The following NLGN4X variants were observed in gnomAD, a reference collection of about 807,000 sequenced individuals.
NLGN4X encodes the protein neuroligin-4, X-linked.
Under a neutral mutation model 40.3 loss-of-function variants are expected in NLGN4X, and 3 were observed. The ratio of observed to expected loss-of-function variants is 0.07; its 90% CI spans 0.03 to 0.19. NLGN4X has a LOEUF of 0.19. Ranked by LOEUF, NLGN4X falls within the 10% of genes least tolerant of loss-of-function variation. NLGN4X has a pLI of 1.00. For synonymous variants in NLGN4X, 270 were observed against 306.8 expected, an observed-to-expected ratio of 0.88 and a Z score of 1.25; for missense variants, 382 against 708.3, an observed-to-expected ratio of 0.54 and a Z score of 5.23.
At position 6,051,847 on chromosome X, in the gene NLGN4X, G is replaced by A. The variant is rs764592278; in HGVS notation, c.473-22415C>T. Among the ~76,000 whole-genome samples, 4 of 111,337 alleles carry A rather than the reference G, an allele frequency of 3.6e-5. No homozygotes were observed. The South Asian group carries it at 1.6e-3, about 44-fold the overall frequency. On this transcript the variant is annotated intron_variant, in intron 2 of 5. Coordinates refer to ENST00000381095, the MANE Select transcript of NLGN4X (RefSeq NM_181332.3). ...GAAGTTGAATTTGAGCCGGACCTAT[G>A]AGGTTGATAGAAGTCATCCCTTGAG... is the stretch of plus-strand genomic sequence containing the variant.
Position 5,903,580 on chromosome X carries a change from G to A in NLGN4X, c.1098C>T (p.Asp366=), listed in dbSNP as rs373037386. The A allele has an allele frequency of 1.3e-4, 162 of 1,208,856 alleles. No homozygotes were observed. Among genetic ancestry groups the A allele is most frequent in the Non-Finnish European group, 1.8e-4 (158 of 894,923 alleles). The stretch of plus-strand genomic sequence containing the variant: ...CCCCTTGGTTGACGCCCAGCATGAT[G>A]TCGTAGTTGAGGAACTCGCCTTGCT... ...LMEQGEFLNY[D]IMLGVNQGEG... The change falls in exon 5 of 6, where the codon GAC becomes GAT. Residue 366 remains aspartate (D), a synonymous_variant. Coordinates refer to ENST00000381095, the MANE Select transcript of NLGN4X (RefSeq NM_181332.3).
At chrX:5,928,183 G>A (rs1293386935) in intron 3 of NLGN4X, among the ~76,000 whole-genome samples, 1 of 112,311 alleles carries the variant, frequency 8.9e-6, no homozygotes, top group Non-Finnish European at 1.9e-5. Context: ...TACGCAGGAA[G>A]GTTTAATAGT....
chrX:6,018,584 G>A (rs910798378), intron 3 of NLGN4X, among the ~76,000 whole-genome samples: 1 of 111,468 alleles, frequency 9.0e-6, no homozygotes, highest in East Asian at 2.8e-4. Context: ...CGTCAGCCTC[G>A]CGAGTAGCTG....
intron 3 of NLGN4X, among the ~76,000 whole-genome samples, chrX:6,024,135 G>T (rs2036623376): frequency 8.9e-6 from 1 of 112,056 alleles, no homozygotes; most frequent in Admixed American, 9.4e-5. Flanking sequence ...GTTTCTGTCT[G>T]GAGGTGATTG....
At chrX:5,933,138 CA>C (rs999225964) in intron 3 of NLGN4X, among the ~76,000 whole-genome samples, 4 of 110,547 alleles carry the variant, frequency 3.6e-5, no homozygotes, top group Non-Finnish European at 5.7e-5. Context: ...AAAAAAAGAT[CA>C]AAAAGAGATT....
chrX:5,990,011 A>G, intron 3 of NLGN4X, among the ~76,000 whole-genome samples: 1 of 108,093 alleles, frequency 9.3e-6, no homozygotes, highest in Middle Eastern at 4.7e-3. Context: ...TAACCTAACC[A>G]TGGGTAATGG....
At chrX:6,118,252 T>C (rs2039346182) in intron 2 of NLGN4X, among the ~76,000 whole-genome samples, 1 of 111,460 alleles carries the variant, frequency 9.0e-6, no homozygotes, top group Non-Finnish European at 1.9e-5. Context: ...ATCATCTACA[T>C]GCTCATGTCT....
chrX:6,044,307 C>G (rs1425208124), intron 2 of NLGN4X, among the ~76,000 whole-genome samples: 1 of 110,396 alleles, frequency 9.1e-6, no homozygotes, highest in East Asian at 2.9e-4. Context: ...ATATGTCACT[C>G]ATCTCTCTTT....
chrX:5,934,393 T>C (rs927365658), intron 3 of NLGN4X, among the ~76,000 whole-genome samples: 5 of 111,756 alleles, frequency 4.5e-5, no homozygotes, highest in Non-Finnish European at 9.4e-5. Context: ...TAAATACATA[T>C]GAAAACCTGT....
intron 1 of NLGN4X, among the ~76,000 whole-genome samples, chrX:6,165,036 A>G (rs191817682): frequency 1.2e-3 from 130 of 111,320 alleles, no homozygotes; most frequent in Middle Eastern, 9.3e-3. Context: ...CTTCATCCTC[A>G]GGCTTGAACC....
intron 3 of NLGN4X, among the ~76,000 whole-genome samples, chrX:5,969,972 G>A (rs1165889614): frequency 3.1e-5 from 3 of 97,189 alleles, no homozygotes; most frequent in African/African-American, 1.1e-4. Flanking sequence ...GAATTGAACA[G>A]TGAGAACACA....
At chrX:5,906,582 C>T (rs931398212) in intron 4 of NLGN4X, among the ~76,000 whole-genome samples, 1 of 111,691 alleles carries the variant, frequency 9.0e-6, no homozygotes, top group Non-Finnish European at 1.9e-5. Flanking sequence ...AACCTCACAG[C>T]TCACTGCAGC....
chrX:6,222,768 T>C (rs188139880), intron 1 of NLGN4X, among the ~76,000 whole-genome samples: 1 of 112,275 alleles, frequency 8.9e-6, no homozygotes, highest in East Asian at 2.8e-4. Context: ...AGTAATTGAA[T>C]CATGGGGGCA....
At chrX:6,060,899 T>C (rs898190692) in intron 2 of NLGN4X, among the ~76,000 whole-genome samples, 1 of 111,883 alleles carries the variant, frequency 8.9e-6, no homozygotes, top group African/African-American at 3.2e-5. Context: ...TCCTCTTGTA[T>C]GTTGTATTAT....
At chrX:6,101,839 T>C (rs1389691903) in intron 2 of NLGN4X, among the ~76,000 whole-genome samples, 1 of 108,429 alleles carries the variant, frequency 9.2e-6, no homozygotes, top group East Asian at 2.9e-4. Context: ...AGACTGAGTC[T>C]CGCTCTGTCG....
At chrX:5,918,405 G>A (rs1333458210) in intron 3 of NLGN4X, among the ~76,000 whole-genome samples, 2 of 111,799 alleles carry the variant, frequency 1.8e-5, no homozygotes, top group Admixed American at 9.5e-5. Flanking sequence ...TATATTAGAC[G>A]AATTAGAACT....
At chrX:6,224,417 G>C (rs1203091510) in intron 1 of NLGN4X, among the ~76,000 whole-genome samples, 1 of 112,020 alleles carries the variant, frequency 8.9e-6, no homozygotes, top group Non-Finnish European at 1.9e-5. Flanking sequence ...CTCTGTTGCG[G>C]AGTCAGTCAA....
intron 3 of NLGN4X, chrX:5,991,283 T>C (rs2035676560): frequency 3.3e-6 from 1 of 307,137 alleles, no homozygotes. Flanking sequence ...CAATATCCAA[T>C]GAGACATTGT....
intron 3 of NLGN4X, among the ~76,000 whole-genome samples, chrX:5,917,842 G>C (rs2032871212): frequency 8.9e-6 from 1 of 112,157 alleles, no homozygotes; most frequent in African/African-American, 3.2e-5. Flanking sequence ...TATACAGATG[G>C]TAAAGCGAGA....
Sources: gnomAD v4.1 joint callset for allele counts (sites outside exome capture counted in the v4.1 genomes callset) on GRCh38, gnomAD v4.1.1 for gene constraint, MANE v1.5 for transcripts, NCBI Gene and HGNC (gene_info 2026-07-23, HGNC 2026-07-21) for gene names.